Variants in SSH1 observed in about 807,000 individuals in gnomAD.
SSH1 encodes slingshot protein phosphatase 1, also known as protein phosphatase Slingshot homolog 1.
A neutral mutation model predicts 79.7 loss-of-function variants in SSH1; 43 were observed. The ratio of observed to expected loss-of-function variants is 0.54; its 90% CI spans 0.42 to 0.70. The LOEUF is 0.70. Ranked by LOEUF, SSH1 falls within the 30% of genes least tolerant of loss-of-function variation. The pLI is 0.00. For missense variants in SSH1, 1,206 were observed against 1,358.8 expected (o/e 0.89, Z 1.77); for synonymous variants, 599 against 538.3 (o/e 1.11, Z -1.56).
In SSH1 at chr12:108,809,712, C is replaced by A. The variant is rs2137095796; in HGVS notation, c.517G>T (p.Val173Leu). Residue 173 changes from valine to leucine, a missense_variant, in exon 7 of 15, where the codon GTG becomes TTG. Around this residue, in one of 5 missense-constraint regions of SSH1, gnomAD observed 115 missense variants for 173.9 expected, o/e 0.66. Coordinates refer to ENST00000326495, the MANE Select transcript of SSH1 (RefSeq NM_018984.4). ...TAGRMHIFKP[V>L]SVQAMWSALQ... is the part of the protein sequence containing the mutation. ...ACTTACCACATGGCCTGGACAGACA[C>A]AGGCTTAAATATGTGCATCCTTCCT... The A allele has an allele frequency of 6.2e-7, 1 of 1,614,032 alleles. No individual in the cohort carries two copies. Among genetic ancestry groups the A allele is most frequent in the Admixed American group, 1.7e-5 (1 of 60,008 alleles).
At chr12:108,810,971 T>C (rs946681893) in intron 6 of SSH1, among the ~76,000 whole-genome samples, 2 of 152,206 alleles carry the variant, frequency 1.3e-5, no homozygotes, top group Admixed American at 1.3e-4. Context: ...ACTTAACCCA[T>C]CGAGGTGGCG....
chr12:108,799,504 G>A (rs2036895983), intron 12 of SSH1, among the ~76,000 whole-genome samples: 1 of 152,174 alleles, frequency 6.6e-6, no homozygotes, highest in Non-Finnish European at 1.5e-5. Context: ...TGCCTTCAGG[G>A]ACCAAGTGAG....
At chr12:108,790,713 T>C (rs879929757) in intron 14 of SSH1, among the ~76,000 whole-genome samples, 1 of 152,222 alleles carries the variant, frequency 6.6e-6, no homozygotes, top group Non-Finnish European at 1.5e-5. Flanking sequence ...CCAGTTTTGT[T>C]TGCATTATAA....
chr12:108,794,931 T>C (rs959829281), intron 13 of SSH1, among the ~76,000 whole-genome samples: 1 of 152,204 alleles, frequency 6.6e-6, no homozygotes, highest in African/African-American at 2.4e-5. Context: ...CACAAATGCA[T>C]ATCTGATTGT....
intron 3 of SSH1, among the ~76,000 whole-genome samples, chr12:108,821,457 T>C (rs554985084): frequency 1.3e-5 from 2 of 152,228 alleles, no homozygotes; most frequent in South Asian, 4.2e-4. Flanking sequence ...AGCTGTATTG[T>C]ACTAGAAGTC....
rs2036288208 is a variant in SSH1, at chr12:108,786,806, T to G, written c.*1182A>C. On this transcript the variant is annotated 3_prime_UTR_variant, in exon 15 of 15. Transcript: ENST00000326495. ...CGAAATGTTTTGACATCTAGCTTGC[T>G]GACACCTTTGATTCAAGCCTGGCGC... The G allele has an allele frequency of 6.6e-6, 1 of 152,242 alleles. No individual in the cohort carries two copies. Among genetic ancestry groups the G allele is most frequent in the South Asian group, 2.1e-4 (1 of 4,826 alleles). The allele number at this position is 152,242 out of a possible 1,614,324, so 9.4% of individuals were successfully genotyped here.
intron 2 of SSH1, among the ~76,000 whole-genome samples, chr12:108,835,140 CCT>C (rs2137236841): frequency 6.6e-6 from 1 of 152,306 alleles, no homozygotes; most frequent in South Asian, 2.1e-4. Context: ...TCTCAGGATC[CCT>C]CTCAGTGCCC....
At chr12:108,817,604 C>T (rs1347700123) in intron 4 of SSH1, among the ~76,000 whole-genome samples, 1 of 151,206 alleles carries the variant, frequency 6.6e-6, no homozygotes, top group Non-Finnish European at 1.5e-5. Flanking sequence ...AAACACAAAG[C>T]GGAAGTTCTT....
intron 10 of SSH1, among the ~76,000 whole-genome samples, chr12:108,802,960 T>G (rs2137047528): frequency 6.6e-6 from 1 of 152,000 alleles, no homozygotes; most frequent in South Asian, 2.1e-4. Context: ...AAAAAATGAG[T>G]AAAATAAATG....
At chr12:108,789,347 G>T in intron 14 of SSH1, 103 bp from the exon 15 acceptor site, 2 of 1,238,750 alleles carry the variant, frequency 1.6e-6, no homozygotes, top group Non-Finnish European at 2.3e-6. Flanking sequence ...CGGACTGGGG[G>T]CCAGGCCTGG....
chr12:108,840,603 C>T (rs2137257819), intron 2 of SSH1, among the ~76,000 whole-genome samples: 1 of 152,216 alleles, frequency 6.6e-6, no homozygotes, highest in South Asian at 2.1e-4. Flanking sequence ...ATCCTGGTTT[C>T]TCATTTTCAG....
intron 1 of SSH1, among the ~76,000 whole-genome samples, chr12:108,853,951 G>A (rs1174599887): frequency 6.6e-6 from 1 of 151,070 alleles, no homozygotes; most frequent in African/African-American, 2.4e-5. Flanking sequence ...TACACCAGAG[G>A]GCCTGGGAGT....
At chr12:108,836,957 G>A (rs372576701) in intron 2 of SSH1, 15 of 525,690 alleles carry the variant, frequency 2.9e-5, no homozygotes, top group East Asian at 1.6e-4. Context: ...ATGGTCGACC[G>A]CAGTGGCTCA....
intron 2 of SSH1, chr12:108,836,812 C>T (rs368101421): frequency 1.3e-5 from 6 of 453,576 alleles, no homozygotes; most frequent in Non-Finnish European, 1.9e-5. Flanking sequence ...TGGGATTCAA[C>T]GAGGACGCAG....
chr12:108,787,673 T>C lies in SSH1; in HGVS notation c.*315A>G. The C allele has an allele frequency of 2.4e-6, 1 of 417,592 alleles. No homozygotes were observed. The highest frequency in any genetic ancestry group is 4.5e-6 in the Non-Finnish European group (1 of 222,772). 25.9% of individuals were successfully genotyped at this position (417,592 alleles called of 1,614,324 possible). On this transcript the variant is annotated 3_prime_UTR_variant, in exon 15 of 15. Coordinates refer to ENST00000326495, the MANE Select transcript of SSH1 (RefSeq NM_018984.4). The stretch of plus-strand genomic sequence containing the variant: ...TCTGCAGGATGCGAAGGGAACAGTC[T>C]GGATGTGTGCGCCTATGTGTGCACG...
At chr12:108,812,187 T>G (rs2037644772) in intron 5 of SSH1, among the ~76,000 whole-genome samples, 1 of 152,176 alleles carries the variant, frequency 6.6e-6, no homozygotes, top group Admixed American at 6.5e-5. Context: ...GGCTTTTGGG[T>G]TGGGCAAATT....
intron 2 of SSH1, among the ~76,000 whole-genome samples, chr12:108,830,385 G>C (rs370060217): frequency 6.6e-6 from 1 of 152,064 alleles, no homozygotes; most frequent in Non-Finnish European, 1.5e-5. Context: ...CCTGGAGGTC[G>C]AGGCTGCACT....
intron 2 of SSH1, among the ~76,000 whole-genome samples, chr12:108,827,109 C>T (rs1215111288): frequency 2.0e-5 from 3 of 152,010 alleles, no homozygotes; most frequent in Non-Finnish European, 1.5e-5. Flanking sequence ...CGGGAAGCTT[C>T]ATAAGATTAA....
chr12:108,840,242 C>T (rs1459487232), intron 2 of SSH1, among the ~76,000 whole-genome samples: 1 of 152,144 alleles, frequency 6.6e-6, no homozygotes, highest in Non-Finnish European at 1.5e-5. Context: ...AAAATGGCTC[C>T]TCTCGGGGGC....
Sources: gnomAD v4.1 joint callset for allele counts (sites outside exome capture counted in the v4.1 genomes callset) on GRCh38, gnomAD v4.1.1 for gene constraint, gnomAD v4.1.1 regional missense constraint, MANE v1.5 for transcripts, NCBI Gene and HGNC (gene_info 2026-07-23, HGNC 2026-07-21) for gene names.